Variants in DOCK4 observed in about 807,000 individuals in gnomAD.
The protein encoded by DOCK4 is dedicator of cytokinesis protein 4.
Under a neutral mutation model 268.1 loss-of-function variants are expected in DOCK4, and 97 were observed. The observed-to-expected ratio is 0.36, with a 90% CI of 0.31 to 0.43. The LOEUF (loss-of-function observed/expected upper bound fraction) is 0.43, where lower values mean the gene tolerates loss of function less well. DOCK4 is among the 20% of genes least tolerant of loss of function. The probability of loss-of-function intolerance (pLI) is 1.00; values close to 1 mark genes in which losing one functional copy is unlikely to be tolerated. For missense variants in DOCK4, 2,145 were observed against 2,455.7 expected (o/e 0.87, Z 2.67); for synonymous variants, 954 against 887.2 (o/e 1.08, Z -1.34).
At position 111,863,368 on chromosome 7, in the gene DOCK4, C is replaced by A. The variant is rs1245191884; in HGVS notation, c.2473+4G>T. ...CACAATTTCCTCCAAGAGACTCACC[C>A]TACCTGGGTTGGTATAAAGCTGGCT... On this transcript the variant is annotated splice_donor_region_variant and intron_variant, in intron 23 of 52. Transcript: ENST00000428084. 2 of 1,613,982 alleles carry A rather than the reference C, an allele frequency of 1.2e-6. No homozygotes were observed. The highest frequency in any genetic ancestry group is 1.1e-5 in the South Asian group (1 of 91,066).
intron 1 of DOCK4, among the ~76,000 whole-genome samples, chr7:112,053,034 T>A (rs913497907): frequency 6.6e-6 from 1 of 152,178 alleles, no homozygotes; most frequent in Admixed American, 6.6e-5. Flanking sequence ...CCTTACCCAG[T>A]GTTTATTCAT....
chr7:112,132,218 TG>T (rs1813873893), intron 1 of DOCK4, among the ~76,000 whole-genome samples: 1 of 152,126 alleles, frequency 6.6e-6, no homozygotes, highest in South Asian at 2.1e-4. Flanking sequence ...ATTTTCTCTG[TG>T]GTTGCTTAGT....
At chr7:111,824,659 G>A (rs1430543780) in intron 26 of DOCK4, among the ~76,000 whole-genome samples, 2 of 152,042 alleles carry the variant, frequency 1.3e-5, no homozygotes, top group Non-Finnish European at 1.5e-5. Flanking sequence ...GCTATAGGAG[G>A]CAAAACATCT....
intron 52 of DOCK4, among the ~76,000 whole-genome samples, chr7:111,730,842 G>A (rs1795036481): frequency 6.6e-6 from 1 of 152,132 alleles, no homozygotes; most frequent in South Asian, 2.1e-4. Flanking sequence ...GGTCTGCTGA[G>A]AGACAGTATA....
At chr7:111,875,645 A>G (rs1806794069) in intron 17 of DOCK4, among the ~76,000 whole-genome samples, 1 of 152,248 alleles carries the variant, frequency 6.6e-6, no homozygotes, top group African/African-American at 2.4e-5. Context: ...AGAGATGTGA[A>G]GATGCTATGC....
At chr7:112,011,448 T>C (rs970471153) in intron 1 of DOCK4, among the ~76,000 whole-genome samples, 1 of 152,210 alleles carries the variant, frequency 6.6e-6, no homozygotes, top group African/African-American at 2.4e-5. Flanking sequence ...ATTGCATTAC[T>C]ATTTTATCTT....
intron 1 of DOCK4, among the ~76,000 whole-genome samples, chr7:112,073,684 A>G (rs1297958607): frequency 6.6e-6 from 1 of 152,158 alleles, no homozygotes; most frequent in Non-Finnish European, 1.5e-5. Context: ...GATCTCACTT[A>G]TCTATGGGAG....
intron 23 of DOCK4, among the ~76,000 whole-genome samples, chr7:111,854,049 G>A (rs1804804498): frequency 6.6e-6 from 1 of 152,036 alleles, no homozygotes; most frequent in South Asian, 2.1e-4. Context: ...TCCTGCCTCA[G>A]CCTCGGGACT....
chr7:111,857,744 C>A (rs1052882749), intron 23 of DOCK4, among the ~76,000 whole-genome samples: 1 of 151,554 alleles, frequency 6.6e-6, no homozygotes, highest in African/African-American at 2.4e-5. Flanking sequence ...CTCGCTATCA[C>A]GCCCTAAACT....
chr7:111,889,904 C>A (rs1350564239), intron 16 of DOCK4, among the ~76,000 whole-genome samples: 1 of 152,198 alleles, frequency 6.6e-6, no homozygotes, highest in Non-Finnish European at 1.5e-5. Flanking sequence ...CTAAGCAAAA[C>A]TCTAGCTTGT....
chr7:112,128,117 A>G (rs889002790), intron 1 of DOCK4, among the ~76,000 whole-genome samples: 30 of 152,340 alleles, frequency 2.0e-4, no homozygotes, highest in African/African-American at 7.2e-4. Flanking sequence ...CACACAATTT[A>G]AAGAGTCTCT....
chr7:111,979,799 T>C (rs1055673379), intron 7 of DOCK4, among the ~76,000 whole-genome samples: 1 of 152,160 alleles, frequency 6.6e-6, no homozygotes, highest in African/African-American at 2.4e-5. Context: ...TTCACAAGAA[T>C]TGAGGAGAAA....
intron 1 of DOCK4, among the ~76,000 whole-genome samples, chr7:112,055,227 C>T (rs573779792): frequency 1.3e-5 from 2 of 152,308 alleles, no homozygotes; most frequent in Admixed American, 1.3e-4. Context: ...ATATTCAACA[C>T]TGAAATAAAT....
chr7:111,811,418 A>C (rs1394736957), intron 28 of DOCK4, among the ~76,000 whole-genome samples: 1 of 152,202 alleles, frequency 6.6e-6, no homozygotes, highest in Non-Finnish European at 1.5e-5. Flanking sequence ...ACCCAGGCAT[A>C]TCACATTATA....
intron 1 of DOCK4, among the ~76,000 whole-genome samples, chr7:112,076,521 G>C (rs965539952): frequency 6.6e-6 from 1 of 151,994 alleles, no homozygotes. Context: ...ATTATTTATG[G>C]AATTCCACCC....
At chr7:111,988,912 C>A in intron 6 of DOCK4, 103 bp downstream of exon 6, 3 of 1,456,008 alleles carry the variant, frequency 2.1e-6, no homozygotes, top group South Asian at 1.3e-5. Context: ...ATGAAAAAGC[C>A]CATAGGATTG....
rs779884656 is a variant in DOCK4, at chr7:111,868,043, A to C, written c.2221T>G (p.Ser741Ala). 1.2e-6 allele frequency: 2 copies of C among 1,613,400 alleles called. No homozygotes were observed. The highest frequency in any genetic ancestry group is 8.5e-7 in the Non-Finnish European group (1 of 1,179,620). Residue 741 changes from serine (S) to alanine (A), a missense_variant, in exon 22 of 53, where the codon TCA becomes GCA. Coordinates refer to ENST00000428084, the MANE Select transcript of DOCK4 (RefSeq NM_001363540.2). ...FRCCIQELLM[S>A]VRFFLSQESK... ...TCTTGCGAAAGAAAGAAACGGACTGACATGAGAAGCTCCTGAATGCAGCAG... is the reference window on the plus strand; with the variant it reads ...TCTTGCGAAAGAAAGAAACGGACTGCCATGAGAAGCTCCTGAATGCAGCAG...
intron 1 of DOCK4, among the ~76,000 whole-genome samples, chr7:112,205,597 A>C (rs1821336052): frequency 6.6e-6 from 1 of 152,144 alleles, no homozygotes; most frequent in East Asian, 1.9e-4. Context: ...CACTCCGGGA[A>C]TGTCGATCCG....
chr7:112,118,257 G>C (rs1202239831), intron 1 of DOCK4, among the ~76,000 whole-genome samples: 1 of 151,914 alleles, frequency 6.6e-6, no homozygotes, highest in Non-Finnish European at 1.5e-5. Flanking sequence ...AATCCCTGCT[G>C]CTTACTTGGG....
Sources: gnomAD v4.1 joint callset for allele counts (sites outside exome capture counted in the v4.1 genomes callset) on GRCh38, gnomAD v4.1.1 for gene constraint, MANE v1.5 for transcripts, NCBI Gene and HGNC (gene_info 2026-07-23, HGNC 2026-07-21) for gene names.